SRP54: variants seen among roughly 807,000 people sequenced by gnomAD.
The protein encoded by SRP54 is signal recognition particle subunit SRP54.
A neutral mutation model predicts 64.8 loss-of-function variants in SRP54; 10 were observed. That is an observed-to-expected ratio of 0.15 (90% confidence interval 0.10 to 0.26). The LOEUF (loss-of-function observed/expected upper bound fraction) is 0.26, where lower values mean the gene tolerates loss of function less well. Ranked by LOEUF, SRP54 falls within the 10% of genes least tolerant of loss-of-function variation. The pLI is 1.00. For missense variants in SRP54, 325 were observed against 613.7 expected (o/e 0.53, Z 4.97); for synonymous variants, 193 against 185.6 (o/e 1.04, Z -0.32).
At position 35,010,766 on chromosome 14, in the gene SRP54, A is replaced by AAAAT. The variant is rs553058682; in HGVS notation, c.486-729_486-726dup. 1.7e-3 allele frequency among the ~76,000 whole-genome samples: 257 copies of AAAAT among 152,268 alleles called. 1 individual carries two copies. Among genetic ancestry groups the AAAAT allele is most frequent in the Admixed American group, 2.7e-3 (41 of 15,274 alleles). On this transcript the variant is annotated intron_variant, in intron 7 of 15. Coordinates refer to ENST00000216774, the MANE Select transcript of SRP54 (RefSeq NM_003136.4). ...GGCAACAGAGTGAAACTTTGTCTCAAAAATAAATAAATAAATACATAAAAA... is the reference window on the plus strand; with the variant it reads ...GGCAACAGAGTGAAACTTTGTCTCAAAAATAAATAAATAAATAAATACATAAAAA...
chr14:35,021,778 A>G (rs905683305), intron 13 of SRP54, among the ~76,000 whole-genome samples: 3 of 152,266 alleles, frequency 2.0e-5, no homozygotes, highest in African/African-American at 7.2e-5. Flanking sequence ...AGAATGGCAT[A>G]GACAGCCTTA....
chr14:35,011,215 G>A (rs578134695), intron 7 of SRP54, among the ~76,000 whole-genome samples: 71 of 151,602 alleles, frequency 4.7e-4, no homozygotes, highest in Non-Finnish European at 8.0e-4. Context: ...AACACTGTGA[G>A]CATGAGTTCA....
At position 34,996,802 on chromosome 14, in the gene SRP54, G is replaced by A. The variant is rs749506726; in HGVS notation, c.78+15G>A. Reference sequence around the variant, plus strand: ...TCAATGAAGAGGTATGTAAAATATTGTATGAAATATATATGATTGTATATT... The same window carrying A: ...TCAATGAAGAGGTATGTAAAATATTATATGAAATATATATGATTGTATATT... On this transcript the variant is annotated intron_variant, in intron 2 of 15. Transcript: ENST00000216774. 4 of 1,543,778 alleles carry A rather than the reference G, an allele frequency of 2.6e-6. No individual in the cohort carries two copies. In the East Asian group the frequency reaches 6.7e-5, roughly 26 times the overall value.
intron 1 of SRP54, among the ~76,000 whole-genome samples, chr14:34,995,877 C>G (rs1185436719): frequency 1.3e-5 from 2 of 151,960 alleles, no homozygotes; most frequent in Non-Finnish European, 2.9e-5. Flanking sequence ...GCCTTGGCAA[C>G]ATAACATAGT....
intron 11 of SRP54, among the ~76,000 whole-genome samples, chr14:35,016,077 A>C (rs1422021620): frequency 6.6e-6 from 1 of 152,094 alleles, no homozygotes; most frequent in East Asian, 1.9e-4. Flanking sequence ...AACTAGTCCA[A>C]GTGTTTCCAC....
At chr14:35,018,821 T>C in intron 12 of SRP54, 56 bp downstream of exon 12, 3 of 1,516,416 alleles carry the variant, frequency 2.0e-6, no homozygotes, top group Non-Finnish European at 2.7e-6. Context: ...TTTTCTAAAA[T>C]AGATACACTT....
intron 3 of SRP54, among the ~76,000 whole-genome samples, chr14:35,000,712 C>T (rs181689226): frequency 4.6e-5 from 7 of 152,118 alleles, no homozygotes; most frequent in African/African-American, 7.2e-5. Flanking sequence ...TTTATACTTT[C>T]AAGTGTAATC....
rs59058538 is a variant in SRP54, at chr14:34,994,932, CTTTTTTTTTTTTTT to C, written c.-33-1731_-33-1718del. 2.1e-4 allele frequency among the ~76,000 whole-genome samples: 18 copies of C among 84,476 alleles called. No homozygotes were observed. In the East Asian group the frequency reaches 5.5e-3, roughly 26 times the overall value. The allele number at this position is 84,476 out of a possible 152,430, so 55.4% of individuals were successfully genotyped here. A position where few individuals can be genotyped will look rare whatever the true frequency, so the allele number is the denominator to read the frequency against. On this transcript the variant is annotated intron_variant, in intron 1 of 15. Coordinates refer to ENST00000216774, the MANE Select transcript of SRP54 (RefSeq NM_003136.4). ...AGGCACATGCCGCCATGCCTGGCTA[CTTTTTTTTTTTTTT>C]TTTTTTTTTTTTTAAGAGTTGAAGT...
intron 4 of SRP54, among the ~76,000 whole-genome samples, chr14:35,002,372 A>C (rs915334349): frequency 6.6e-5 from 10 of 152,016 alleles, no homozygotes; most frequent in South Asian, 4.1e-4. Flanking sequence ...AACAAACAAA[A>C]AAAATTTTTT....
intron 1 of SRP54, among the ~76,000 whole-genome samples, chr14:34,986,295 A>T (rs1288721188): frequency 6.6e-6 from 1 of 152,244 alleles, no homozygotes; most frequent in Non-Finnish European, 1.5e-5. Context: ...CTAAGTTAAG[A>T]CAGAGGTGGT....
chr14:34,993,058 C>T (rs1848809742), intron 1 of SRP54, among the ~76,000 whole-genome samples: 1 of 152,090 alleles, frequency 6.6e-6, no homozygotes, highest in Non-Finnish European at 1.5e-5. Context: ...TGGGGTTTCA[C>T]CATGTTGGCT....
Position 35,023,062 on chromosome 14 carries a change from A to G in SRP54, c.1309A>G (p.Ile437Val). 6 of 1,607,488 alleles carry G rather than the reference A, an allele frequency of 3.7e-6. No individual in the cohort carries two copies. The highest frequency in any genetic ancestry group is 5.1e-6 in the Non-Finnish European group (6 of 1,176,790). The change falls in exon 14 of 16, where the codon ATC (isoleucine) becomes GTC (valine). Residue 437 changes from isoleucine (I) to valine (V), a missense_variant. By Grantham distance (29) the Ile-to-Val change is conservative (BLOSUM62 3). Coordinates refer to ENST00000216774, the MANE Select transcript of SRP54 (RefSeq NM_003136.4). ...FAQMVKKMGGIKGLFKGGDMS... is the reference protein window; with the variant it reads ...FAQMVKKMGGVKGLFKGGDMS... ...ACAGATGGTAAAAAAGATGGGAGGT[A>G]TCAAAGGACTTTTCAAAGGTAAGAA...
intron 1 of SRP54, among the ~76,000 whole-genome samples, chr14:34,988,439 G>A (rs1251084900): frequency 2.0e-5 from 3 of 149,432 alleles, no homozygotes; most frequent in African/African-American, 7.3e-5. Flanking sequence ...GCATGCGCCT[G>A]TAGTCCCAGC....
At chr14:35,003,921 G>A (rs1322947552) in intron 4 of SRP54, among the ~76,000 whole-genome samples, 2 of 137,316 alleles carry the variant, frequency 1.5e-5, no homozygotes, top group African/African-American at 5.4e-5. Context: ...GTGACAGAGC[G>A]AGACCTGTCT....
intron 7 of SRP54, 55 bp downstream of exon 7, chr14:35,008,886 T>C: frequency 3.1e-6 from 2 of 655,380 alleles, no homozygotes; most frequent in South Asian, 6.5e-5. Flanking sequence ...TCTGTCAGCT[T>C]TTTTTTTTTT....
At chr14:34,999,013 G>GTTTTTTTTT (rs67731589) in intron 2 of SRP54, among the ~76,000 whole-genome samples, 3 of 39,566 alleles carry the variant, frequency 7.6e-5, no homozygotes, top group Non-Finnish European at 1.0e-4. Context: ...GTGTGTGTGT[G>GTTTTTTTTT]GTTTTTTTTT....
Position 35,013,792 on chromosome 14 carries a change from T to C in SRP54, c.786-10T>C. Reference sequence around the variant, plus strand: ...TTTGAGGTTATTTTATATTTTCTTTTTTTTTCCAGAGTCGCTGCCACAAAA... The same window carrying C: ...TTTGAGGTTATTTTATATTTTCTTTCTTTTTCCAGAGTCGCTGCCACAAAA... On this transcript the variant is annotated splice_polypyrimidine_tract_variant and intron_variant, in intron 9 of 15. Coordinates refer to ENST00000216774, the MANE Select transcript of SRP54 (RefSeq NM_003136.4). The C allele has an allele frequency of 1.1e-5, 18 of 1,599,012 alleles. No individual in the cohort carries two copies. Among genetic ancestry groups the C allele is most frequent in the African/African-American group, 2.7e-5 (2 of 73,968 alleles).
intron 1 of SRP54, among the ~76,000 whole-genome samples, chr14:34,986,994 AG>A (rs2043905124): frequency 6.6e-6 from 1 of 151,924 alleles, no homozygotes; most frequent in South Asian, 2.1e-4. Context: ...ACACTTTGGG[AG>A]GCCAAGGCAG....
intron 14 of SRP54, among the ~76,000 whole-genome samples, chr14:35,026,809 G>C (rs562426354): frequency 6.0e-4 from 91 of 152,210 alleles, no homozygotes; most frequent in Non-Finnish European, 1.2e-3. Flanking sequence ...TGGGTGTGGT[G>C]GCTCATGCCT....
Sources: allele counts gnomAD v4.1 joint callset (sites outside exome capture counted in the v4.1 genomes callset), GRCh38; gene constraint gnomAD v4.1.1; transcripts MANE v1.5; gene names NCBI Gene and HGNC (gene_info 2026-07-23, HGNC 2026-07-21).